NDUFAF6: variants seen among roughly 807,000 people sequenced by gnomAD.
NDUFAF6 encodes the protein NADH:ubiquinone oxidoreductase complex assembly factor 6, also known as NADH dehydrogenase (ubiquinone) complex I, assembly factor 6.
A neutral mutation model predicts 40.8 loss-of-function variants in NDUFAF6; 45 were observed. The observed-to-expected ratio is 1.10, with a 90% confidence interval of 0.87 to 1.42. NDUFAF6 has a LOEUF of 1.42. Ranked by LOEUF, NDUFAF6 falls within the 40% of genes most tolerant of loss-of-function variation. NDUFAF6 has a pLI of 0.00. For missense variants in NDUFAF6, 435 were observed against 418.5 expected (o/e 1.04, Z -0.34); for synonymous variants, 185 against 155.9 (o/e 1.19, Z -1.39).
rs778629925 is a variant in NDUFAF6 at position 95,035,587 on chromosome 8, A to AG, written c.420+11_420+12insG. 6.2e-6 allele frequency: 10 copies of AG among 1,611,092 alleles called. No individual in the cohort carries two copies. Among genetic ancestry groups the AG allele is most frequent in the Non-Finnish European group, 7.6e-6 (9 of 1,178,580 alleles). On this transcript the variant is annotated intron_variant, in intron 3 of 8. Transcript: ENST00000396124. ...ATTGAACTATGGAAGGTAAAAAAAAAAAAATACCACTTTTAATTTGTATGA... is the reference window on the plus strand; with the variant it reads ...ATTGAACTATGGAAGGTAAAAAAAAAGAAAATACCACTTTTAATTTGTATGA...
At chr8:95,053,240 A>G (rs1831644536) in intron 8 of NDUFAF6, among the ~76,000 whole-genome samples, 1 of 152,252 alleles carries the variant, frequency 6.6e-6, no homozygotes, top group African/African-American at 2.4e-5. Context: ...GTAAGAGAAT[A>G]CAAAAGAAGA....
At chr8:94,974,290 A>AG (rs1399209177) in intron 1 of NDUFAF6, among the ~76,000 whole-genome samples, 5 of 151,234 alleles carry the variant, frequency 3.3e-5, no homozygotes, top group African/African-American at 1.2e-4. Context: ...GGTAGGTGGT[A>AG]GGGGTGGAAG....
intron 1 of NDUFAF6, among the ~76,000 whole-genome samples, chr8:94,935,193 T>TAGA (rs1356365038): frequency 6.9e-6 from 1 of 145,564 alleles, no homozygotes; most frequent in Non-Finnish European, 1.5e-5. Flanking sequence ...ATACTTTTCT[T>TAGA]AGAGTCAGAG....
intron 2 of NDUFAF6, chr8:94,950,455 G>GGGAT (rs910484136): frequency 6.6e-6 from 1 of 152,288 alleles, no homozygotes; most frequent in African/African-American, 2.4e-5. Flanking sequence ...CAACCCTGGA[G>GGGAT]GGATGCCTAT....
chr8:95,023,918 G>C (rs907385797), upstream of NDUFAF6, among the ~76,000 whole-genome samples: 1 of 151,702 alleles, frequency 6.6e-6, no homozygotes, highest in Non-Finnish European at 1.5e-5. Flanking sequence ...TTGAACCCGG[G>C]AGGCGGAGGT....
intron 9 of NDUFAF6, among the ~76,000 whole-genome samples, chr8:95,072,422 T>G (rs1474872733): frequency 6.6e-6 from 1 of 152,248 alleles, no homozygotes; most frequent in African/African-American, 2.4e-5. Flanking sequence ...TTAGTTACCC[T>G]TGTAACAGAG....
Position 95,058,502 on chromosome 8 carries a change from C to T in NDUFAF6, c.*565C>T, listed in dbSNP as rs1832458553. ...TTTATCCATGATAATAACATAACTT[C>T]TTTAAGGTTGGAGTGGCTGGCAAGA... is the stretch of plus-strand genomic sequence containing the variant. On this transcript the variant is annotated 3_prime_UTR_variant, in exon 9 of 9. Coordinates refer to ENST00000396124, the MANE Select transcript of NDUFAF6 (RefSeq NM_152416.4). 2 of 1,226,588 alleles carry T rather than the reference C, an allele frequency of 1.6e-6. No individual in the cohort carries two copies. Among genetic ancestry groups the T allele is most frequent in the African/African-American group, 1.6e-5 (1 of 64,400 alleles). The allele number at this position is 1,226,588 out of a possible 1,614,324, so 76.0% of individuals were successfully genotyped here. A position where few individuals can be genotyped will look rare whatever the true frequency, so the allele number is the denominator to read the frequency against.
At chr8:94,926,331 A>C (rs146521688) in intron 1 of NDUFAF6, 2 of 152,532 alleles carry the variant, frequency 1.3e-5, no homozygotes, top group African/African-American at 4.8e-5. Context: ...TACAGTCTAC[A>C]ATACTCTTCA....
intron 1 of NDUFAF6, among the ~76,000 whole-genome samples, chr8:94,904,425 C>G (rs1409976958): frequency 6.8e-6 from 1 of 147,950 alleles, no homozygotes; most frequent in Non-Finnish European, 1.5e-5. Context: ...ATCTGCCCGC[C>G]TCGGCCTCCC....
intron 2 of NDUFAF6, among the ~76,000 whole-genome samples, chr8:95,081,978 GGC>G (rs1322257376): frequency 6.6e-6 from 1 of 152,144 alleles, no homozygotes; most frequent in Non-Finnish European, 1.5e-5. Flanking sequence ...GCGGGAGAAT[GGC>G]GTGAACTCGG....
At chr8:94,958,079 C>G (rs1051541065) in exon 1 of NDUFAF6, 1 of 152,556 alleles carries the variant, frequency 6.6e-6, no homozygotes, top group African/African-American at 2.4e-5. Context: ...TCAGTGGTGA[C>G]TTCGGCACAG....
intron 2 of NDUFAF6, among the ~76,000 whole-genome samples, chr8:95,085,332 A>G (rs887337671): frequency 2.0e-5 from 3 of 152,164 alleles, no homozygotes; most frequent in African/African-American, 7.2e-5. Flanking sequence ...TCCTCCTCCC[A>G]TGCCTCTTCA....
intron 3 of NDUFAF6, chr8:95,036,333 GCCACCCACAGAC>G: frequency 7.8e-7 from 1 of 1,287,742 alleles, no homozygotes; most frequent in Non-Finnish European, 1.0e-6. Flanking sequence ...TGTAACAGGA[GCCACCCACAGAC>G]CTGACAGTGG....
intron 1 of NDUFAF6, among the ~76,000 whole-genome samples, chr8:94,973,571 G>A (rs749961365): frequency 4.6e-5 from 7 of 152,122 alleles, no homozygotes; most frequent in Non-Finnish European, 1.0e-4. Context: ...AGCCAGGTGT[G>A]GTGGCGGGCA....
At chr8:94,913,762 G>A (rs1440415547) in intron 1 of NDUFAF6, among the ~76,000 whole-genome samples, 1 of 152,174 alleles carries the variant, frequency 6.6e-6, no homozygotes, top group Non-Finnish European at 1.5e-5. Context: ...TCACATCCTT[G>A]CACTCCAGTC....
intron 2 of NDUFAF6, among the ~76,000 whole-genome samples, chr8:94,986,767 CATGATGATTCT>C (rs1825928757): frequency 6.6e-6 from 1 of 152,190 alleles, no homozygotes; most frequent in African/African-American, 2.4e-5. Flanking sequence ...GTTTCTGTGA[CATGATGATTCT>C]ATTCCCCTAT....
At chr8:94,997,510 G>A (rs1254945609) in intron 2 of NDUFAF6, among the ~76,000 whole-genome samples, 2 of 152,160 alleles carry the variant, frequency 1.3e-5, no homozygotes, top group African/African-American at 4.8e-5. Context: ...TATCATTTCA[G>A]TGACTTTAAT....
At chr8:94,983,933 G>A (rs1433535227) in intron 2 of NDUFAF6, 1 of 152,192 alleles carries the variant, frequency 6.6e-6, no homozygotes. Context: ...AGTTTCTGTG[G>A]TGGTTTCCAC....
intron 1 of NDUFAF6, chr8:95,100,614 G>A (rs1223113803): frequency 1.3e-5 from 2 of 152,180 alleles, no homozygotes; most frequent in African/African-American, 2.4e-5. Context: ...TGGATTGGAC[G>A]TCTTTAGAAG....
Sources: allele counts gnomAD v4.1 joint callset (sites outside exome capture counted in the v4.1 genomes callset), GRCh38; gene constraint gnomAD v4.1.1; transcripts MANE v1.5; gene names NCBI Gene and HGNC (gene_info 2026-07-23, HGNC 2026-07-21).